Variants in BCL2 observed in about 807,000 individuals in gnomAD.
BCL2 encodes BCL2 apoptosis regulator.
In BCL2, 1 loss-of-function variant was observed where a neutral mutation model predicts 14.2. The ratio of observed to expected loss-of-function variants is 0.07; its 90% confidence interval spans 0.02 to 0.33. BCL2 has a LOEUF of 0.33. Among genes scored for constraint, BCL2 ranks in the 10% least tolerant of loss-of-function variants. The probability of loss-of-function intolerance (pLI) is 0.99; values close to 1 mark genes in which losing one functional copy is unlikely to be tolerated. For missense variants in BCL2, 247 were observed against 305.9 expected, an observed-to-expected ratio of 0.81 and a Z score of 1.44; for synonymous variants, 151 against 137.2, an observed-to-expected ratio of 1.10 and a Z score of -0.70.
intron 2 of BCL2, among the ~76,000 whole-genome samples, chr18:63,170,736 A>G (rs1308668069): frequency 6.6e-6 from 1 of 152,226 alleles, no homozygotes; most frequent in African/African-American, 2.4e-5. Context: ...ACTTTCATTC[A>G]GTCGTACTTC....
chr18:63,226,901 A>G (rs982841525), intron 2 of BCL2, among the ~76,000 whole-genome samples: 3 of 152,184 alleles, frequency 2.0e-5, no homozygotes, highest in African/African-American at 7.2e-5. Context: ...ATATACATAT[A>G]AAAGAGGACT....
intron 2 of BCL2, among the ~76,000 whole-genome samples, chr18:63,251,963 T>A (rs1195069642): frequency 6.6e-6 from 1 of 152,146 alleles, no homozygotes; most frequent in Non-Finnish European, 1.5e-5. Context: ...CCTCCCAAAG[T>A]GCTGGGATTA....
At chr18:63,319,153 T>C (rs1705971862) in intron 1 of BCL2, 21 bp downstream of exon 1, 3 of 730,450 alleles carry the variant, frequency 4.1e-6, no homozygotes, top group Admixed American at 5.3e-5. Context: ...ATTAAACCAA[T>C]TTCCTGTGCA....
intron 2 of BCL2, among the ~76,000 whole-genome samples, chr18:63,228,274 G>A (rs1393504970): frequency 6.6e-6 from 1 of 152,134 alleles, no homozygotes; most frequent in Non-Finnish European, 1.5e-5. Context: ...ATTAGAGGTT[G>A]GAGCTTCTGC....
intron 2 of BCL2, among the ~76,000 whole-genome samples, chr18:63,152,295 C>G (rs1358561534): frequency 6.6e-6 from 1 of 152,184 alleles, no homozygotes; most frequent in Non-Finnish European, 1.5e-5. Flanking sequence ...AGAATCGGAG[C>G]CTGCTTCCTT....
intron 2 of BCL2, among the ~76,000 whole-genome samples, chr18:63,248,554 C>A (rs1439734051): frequency 6.6e-6 from 1 of 152,214 alleles, no homozygotes; most frequent in Non-Finnish European, 1.5e-5. Flanking sequence ...CTCCTACGTT[C>A]ATTTTATCTG....
intron 2 of BCL2, among the ~76,000 whole-genome samples, chr18:63,258,064 G>T (rs1298126605): frequency 1.3e-5 from 2 of 152,172 alleles, no homozygotes; most frequent in Non-Finnish European, 2.9e-5. Flanking sequence ...AACCCAATAG[G>T]ACTGCGTCCT....
chr18:63,295,097 G>C (rs1912762520), intron 2 of BCL2, among the ~76,000 whole-genome samples: 1 of 151,864 alleles, frequency 6.6e-6, no homozygotes. Flanking sequence ...CTGGGAGGCA[G>C]AGGTTGCAGT....
intron 2 of BCL2, among the ~76,000 whole-genome samples, chr18:63,153,258 G>T (rs932689294): frequency 1.3e-5 from 2 of 152,146 alleles, no homozygotes; most frequent in Non-Finnish European, 2.9e-5. Context: ...ATAAAACAGA[G>T]AAAAATAAAA....
chr18:63,285,762 G>T (rs921713873), intron 2 of BCL2, among the ~76,000 whole-genome samples: 19 of 152,348 alleles, frequency 1.2e-4, no homozygotes, highest in African/African-American at 4.6e-4. Context: ...TCTGCATGGG[G>T]CTGGGGGTTC....
At chr18:63,175,538 G>T (rs1422448870) in intron 2 of BCL2, among the ~76,000 whole-genome samples, 1 of 152,172 alleles carries the variant, frequency 6.6e-6, no homozygotes, top group Non-Finnish European at 1.5e-5. Flanking sequence ...GGTCCCCATT[G>T]GTGCTAAACC....
chr18:63,147,992 C>A (rs1343442711), intron 2 of BCL2, among the ~76,000 whole-genome samples: 1 of 152,110 alleles, frequency 6.6e-6, no homozygotes, highest in African/African-American at 2.4e-5. Flanking sequence ...ATTCTCCATG[C>A]CCGACCCCTC....
At position 63,129,738 on chromosome 18, in the gene BCL2, G is replaced by A. The variant is rs532194705; in HGVS notation, c.586-979C>T. ...CCCTTCTCTCTGCTGATGCCCTGGC[G>A]TGGCTAACGGCAGCTCTATGAGAGC... On this transcript the variant is annotated intron_variant, in intron 2 of 2. Coordinates refer to ENST00000333681, the MANE Select transcript of BCL2 (RefSeq NM_000633.3). 1.2e-4 allele frequency among the ~76,000 whole-genome samples: 19 copies of A among 152,328 alleles called. No homozygotes were observed. In the South Asian group the frequency reaches 2.1e-3, roughly 17 times the overall value.
At chr18:63,266,676 C>T (rs1311356803) in intron 2 of BCL2, among the ~76,000 whole-genome samples, 2 of 148,054 alleles carry the variant, frequency 1.4e-5, no homozygotes, top group Non-Finnish European at 3.0e-5. Context: ...TATATTTATA[C>T]TACATACAAA....
At position 63,318,516 on chromosome 18, in the gene BCL2, A is replaced by G. The variant is rs1351068431; in HGVS notation, c.151T>C (p.Ser51Pro). Residue 51 changes from serine to proline, a missense_variant, in exon 2 of 3, where the codon TCC (serine) becomes CCC (proline). Around this residue, in one of 3 missense-constraint regions of BCL2, gnomAD observed 144 missense variants for 135.3 expected, o/e 1.06. Coordinates refer to ENST00000333681, the MANE Select transcript of BCL2 (RefSeq NM_000633.3). This position sits in a 1 kb window ranked among gnomAD's most constrained non-coding sequence, Gnocchi z 7.4. Reference protein sequence around the residue: ...GAAPAPGIFSSQPGHTPHPAA... With the variant: ...GAAPAPGIFSPQPGHTPHPAA... Reference sequence around the variant, plus strand: ...GGATGGGGCGTGTGCCCGGGCTGGGAGGAGAAGATGCCCGGTGCGGGGGCG... The same window carrying G: ...GGATGGGGCGTGTGCCCGGGCTGGGGGGAGAAGATGCCCGGTGCGGGGGCG... The G allele has an allele frequency of 1.3e-6, 2 of 1,563,868 alleles. No individual in the cohort carries two copies. Among genetic ancestry groups the G allele is most frequent in the Admixed American group, 3.7e-5 (2 of 54,464 alleles).
At chr18:63,130,930 G>A (rs915282443) in intron 2 of BCL2, among the ~76,000 whole-genome samples, 2 of 152,080 alleles carry the variant, frequency 1.3e-5, no homozygotes. Context: ...CAAAAGGCAG[G>A]CAAGAATTTA....
rs562732774 is a variant in BCL2, at chr18:63,188,332, G to A, written c.586-59573C>T. Among the ~76,000 whole-genome samples, 115 of 152,322 alleles carry A rather than the reference G, an allele frequency of 7.5e-4. 1 individual carries two copies. The highest frequency in any genetic ancestry group is 1.2e-3 in the Non-Finnish European group (85 of 68,034). ...TGCATGGCTTTAGCAAGTTCCTTAA[G>A]ATGGCAGGGCCTCTGCTTCCTCATC... On this transcript the variant is annotated intron_variant, in intron 2 of 2. Transcript: ENST00000333681.
At chr18:63,260,832 CAT>C (rs1599275908) in intron 2 of BCL2, among the ~76,000 whole-genome samples, 1 of 151,866 alleles carries the variant, frequency 6.6e-6, no homozygotes, top group African/African-American at 2.4e-5. Flanking sequence ...GAAAAACAAA[CAT>C]GAGCTGGATC....
intron 2 of BCL2, among the ~76,000 whole-genome samples, chr18:63,309,767 A>G (rs1913248958): frequency 6.6e-6 from 1 of 152,194 alleles, no homozygotes; most frequent in Non-Finnish European, 1.5e-5. Context: ...CCCCCAGTGG[A>G]TACCAAAATC....
Sources: allele counts gnomAD v4.1 joint callset (sites outside exome capture counted in the v4.1 genomes callset), GRCh38; gene constraint gnomAD v4.1.1; regional missense constraint gnomAD v4.1.1; non-coding constraint Gnocchi (gnomAD v3.1); transcripts MANE v1.5; gene names NCBI Gene and HGNC (gene_info 2026-07-23, HGNC 2026-07-21).